XYLT1: variants seen among roughly 807,000 people sequenced by gnomAD.
XYLT1 encodes the protein xylosyltransferase 1, also known as beta-D-xylosyltransferase 1.
A neutral mutation model predicts 91.3 loss-of-function variants in XYLT1; 36 were observed. That is an observed-to-expected ratio of 0.39 (90% confidence interval 0.30 to 0.52). The LOEUF (loss-of-function observed/expected upper bound fraction) is 0.52. Among genes scored for constraint, XYLT1 ranks in the 20% least tolerant of loss-of-function variants. The probability of loss-of-function intolerance (pLI) is 0.68; values close to 1 mark genes in which losing one functional copy is unlikely to be tolerated. For missense variants in XYLT1, 1,242 were observed against 1,284.5 expected (o/e 0.97, Z 0.51); for synonymous variants, 588 against 532.0 (o/e 1.11, Z -1.45).
intron 2 of XYLT1, among the ~76,000 whole-genome samples, chr16:17,336,779 C>T (rs746743530): frequency 3.3e-5 from 5 of 152,280 alleles, no homozygotes; most frequent in East Asian, 1.9e-4. Flanking sequence ...TATGTGTGTC[C>T]GACTGGCCTT....
At chr16:17,397,827 CTTT>C (rs749199983) in intron 1 of XYLT1, among the ~76,000 whole-genome samples, 19 of 108,724 alleles carry the variant, frequency 1.7e-4, no homozygotes, top group Admixed American at 2.9e-4. Flanking sequence ...TTGAATAGCT[CTTT>C]TTTTTTTTTT....
chr16:17,115,788 C>A (rs1966850777), intron 11 of XYLT1, among the ~76,000 whole-genome samples: 1 of 102,344 alleles, frequency 9.8e-6, no homozygotes, highest in African/African-American at 3.7e-5. Context: ...ACCCAGCCAA[C>A]CTCTGTTATA....
intron 1 of XYLT1, among the ~76,000 whole-genome samples, chr16:17,412,608 G>A (rs1215239673): frequency 6.6e-6 from 1 of 151,984 alleles, no homozygotes; most frequent in Non-Finnish European, 1.5e-5. Context: ...AAGAAAAGAG[G>A]TAAAGAGGCT....
intron 1 of XYLT1, among the ~76,000 whole-genome samples, chr16:17,414,263 T>C (rs1355653987): frequency 6.6e-6 from 1 of 152,210 alleles, no homozygotes; most frequent in Non-Finnish European, 1.5e-5. Flanking sequence ...TTTCTATTTA[T>C]TTGACCTCGC....
intron 2 of XYLT1, among the ~76,000 whole-genome samples, chr16:17,262,776 C>T (rs1003751315): frequency 6.6e-6 from 1 of 152,100 alleles, no homozygotes; most frequent in Non-Finnish European, 1.5e-5. Flanking sequence ...ACTCTACCAA[C>T]CCTCAGTGTG....
intron 1 of XYLT1, among the ~76,000 whole-genome samples, chr16:17,381,629 G>T (rs1451205608): frequency 6.6e-6 from 1 of 152,080 alleles, no homozygotes; most frequent in East Asian, 1.9e-4. Context: ...GTTTCACTAT[G>T]TTGGCCAGGC....
intron 1 of XYLT1, chr16:17,445,920 C>T (rs939485366): frequency 1.3e-5 from 2 of 152,192 alleles, no homozygotes; most frequent in Non-Finnish European, 2.9e-5. Context: ...TCAGGAGGCA[C>T]CAGGCCTTGT....
Position 17,328,913 on chromosome 16 carries a change from A to G in XYLT1, c.402+29099T>C, listed in dbSNP as rs538256438. Among the ~76,000 whole-genome samples, 6 of 152,354 alleles carry G rather than the reference A, an allele frequency of 3.9e-5. No individual in the cohort carries two copies. The South Asian group carries it at 6.2e-4, about 16-fold the overall frequency. On this transcript the variant is annotated intron_variant, in intron 2 of 11. Transcript: ENST00000261381. The stretch of plus-strand genomic sequence containing the variant: ...GCTCCCAAAGCCTCCAAAACGCTCC[A>G]GATGGCTGAAGTTTTGCTGGAGGTA...
At chr16:17,278,597 C>CAAA (rs2034012015) in intron 2 of XYLT1, among the ~76,000 whole-genome samples, 1 of 152,158 alleles carries the variant, frequency 6.6e-6, no homozygotes, top group African/African-American at 2.4e-5. Flanking sequence ...CATGGAGCTC[C>CAAA]ACTTCATCAT....
chr16:17,247,774 T>C (rs1269877323), intron 3 of XYLT1, among the ~76,000 whole-genome samples: 2 of 152,286 alleles, frequency 1.3e-5, no homozygotes. Context: ...TCTATGACAT[T>C]GCTGGAGGCA....
intron 5 of XYLT1, among the ~76,000 whole-genome samples, chr16:17,167,544 A>AACCCATCCTTCCATCTCGTGAACGGG (rs2031723336): frequency 6.7e-6 from 1 of 148,900 alleles, no homozygotes; most frequent in Non-Finnish European, 1.5e-5. Flanking sequence ...TCGTGAACGG[A>AACCCATCCTTCCATCTCGTGAACGGG]TTCTAACCCA....
chr16:17,200,632 C>T lies in XYLT1; in HGVS notation c.936G>A (p.Gln312=), dbSNP rs1457454173. Residue 312 remains glutamine, a synonymous_variant, in exon 4 of 12, where the codon CAG becomes CAA. Coordinates refer to ENST00000261381, the MANE Select transcript of XYLT1 (RefSeq NM_022166.4). ...PLEGKANKNV[Q]WDEDSVEYMP... The stretch of plus-strand genomic sequence containing the variant: ...TGTACTCCACGGAGTCCTCGTCCCA[C>T]TGCACGTTCTTGTTGGCTTTACCTG... 9 of 1,613,576 alleles carry T rather than the reference C, an allele frequency of 5.6e-6. No individual in the cohort carries two copies. The highest frequency in any genetic ancestry group is 1.6e-4 in the Middle Eastern group (1 of 6,082).
At chr16:17,346,032 A>C (rs2035140008) in intron 2 of XYLT1, among the ~76,000 whole-genome samples, 1 of 152,128 alleles carries the variant, frequency 6.6e-6, no homozygotes, top group Non-Finnish European at 1.5e-5. Context: ...GCTGGTCTTG[A>C]ACACCTGACC....
At chr16:17,359,414 T>C (rs143593557) in intron 1 of XYLT1, among the ~76,000 whole-genome samples, 20 of 152,346 alleles carry the variant, frequency 1.3e-4, no homozygotes, top group African/African-American at 4.8e-4. Context: ...TCTTGATGAC[T>C]GTTCTACGGT....
At chr16:17,365,606 G>A (rs985574803) in intron 1 of XYLT1, among the ~76,000 whole-genome samples, 3 of 152,184 alleles carry the variant, frequency 2.0e-5, no homozygotes, top group Admixed American at 6.5e-5. Context: ...TGTATTGCGC[G>A]CTCTCTTTCT....
intron 1 of XYLT1, among the ~76,000 whole-genome samples, chr16:17,451,352 G>A (rs774719301): frequency 1.1e-4 from 17 of 152,008 alleles, no homozygotes; most frequent in Admixed American, 2.0e-4. Context: ...AATCCATGCC[G>A]GACTATCTTC....
chr16:17,405,921 A>G (rs1054725573), intron 1 of XYLT1, among the ~76,000 whole-genome samples: 1 of 152,184 alleles, frequency 6.6e-6, no homozygotes, highest in Non-Finnish European at 1.5e-5. Flanking sequence ...CTGGTGACTC[A>G]CGCCTGAAAT....
chr16:17,197,142 TC>T (rs2032445668), intron 5 of XYLT1, among the ~76,000 whole-genome samples: 2 of 151,522 alleles, frequency 1.3e-5, no homozygotes, highest in African/African-American at 4.9e-5. Flanking sequence ...CAAATTACTC[TC>T]TGACTTTATC....
At chr16:17,384,961 T>C (rs557646796) in intron 1 of XYLT1, among the ~76,000 whole-genome samples, 15 of 151,902 alleles carry the variant, frequency 9.9e-5, no homozygotes, top group East Asian at 2.0e-4. Context: ...AATCTACACC[T>C]GACAGAGGGG....
Sources: gnomAD v4.1 joint callset for allele counts (sites outside exome capture counted in the v4.1 genomes callset) on GRCh38, gnomAD v4.1.1 for gene constraint, MANE v1.5 for transcripts, NCBI Gene and HGNC (gene_info 2026-07-23, HGNC 2026-07-21) for gene names.